Variants in KTN1 observed in about 807,000 individuals in gnomAD.
KTN1 encodes the protein kinectin.
KTN1 carries 130 observed loss-of-function variants against 222.5 expected under a neutral mutation model. That is an observed-to-expected ratio of 0.58 (90% CI 0.51 to 0.68). KTN1 has a LOEUF of 0.68. KTN1 is among the 30% of genes least tolerant of loss of function. KTN1 has a pLI of 0.00. For missense variants in KTN1, 1,508 were observed against 1,500.4 expected, an observed-to-expected ratio of 1.01 and a Z score of -0.08; for synonymous variants, 512 against 496.3, an observed-to-expected ratio of 1.03 and a Z score of -0.42.
At chr14:55,650,458 A>T in intron 23 of KTN1, 40 bp downstream of exon 23, 1 of 1,547,770 alleles carries the variant, frequency 6.5e-7, no homozygotes. Context: ...GTTTTTGTTT[A>T]TCAACTTTAG....
intron 1 of KTN1, among the ~76,000 whole-genome samples, chr14:55,600,367 T>A (rs1440163425): frequency 6.6e-6 from 1 of 152,146 alleles, no homozygotes; most frequent in Admixed American, 6.5e-5. Flanking sequence ...TTTCATTAAG[T>A]TTAAGCATCA....
At chr14:55,671,748 C>T (rs369480853) in intron 36 of KTN1, 37 bp from the exon 37 acceptor site, 40 of 1,550,754 alleles carry the variant, frequency 2.6e-5, no homozygotes, top group Non-Finnish European at 3.2e-5. Flanking sequence ...GGCATTAGAA[C>T]ATGAATTTTT....
chr14:55,676,876 G>C (rs1357515104), intron 41 of KTN1, among the ~76,000 whole-genome samples: 2 of 152,072 alleles, frequency 1.3e-5, no homozygotes, highest in African/African-American at 4.8e-5. Flanking sequence ...ATTTGGGTCT[G>C]TTTTAGAGGA....
At chr14:55,657,692 C>T (rs1344014584) in intron 29 of KTN1, among the ~76,000 whole-genome samples, 1 of 152,044 alleles carries the variant, frequency 6.6e-6, no homozygotes, top group Non-Finnish European at 1.5e-5. Flanking sequence ...AGGTGGATCT[C>T]TTGAGGTCAG....
At chr14:55,640,822 T>C in intron 15 of KTN1, 111 bp from the exon 16 acceptor site, 1 of 854,756 alleles carries the variant, frequency 1.2e-6, no homozygotes, top group Admixed American at 2.3e-5. Context: ...AGTATTGCTG[T>C]AACTTCAAAT....
Position 55,639,957 on chromosome 14 carries a change from T to C in KTN1, c.1868T>C (p.Leu623Ser). ...DKQIKQTEDS[L>S]ASERDRLTSK... is the part of the protein sequence containing the mutation. ...CAGATAAAACAGACTGAAGATTCTT[T>C]AGCAAGTGAACGTGATCGTTTAACA... The change falls in exon 14 of 44, where the codon TTA becomes TCA. Residue 623 changes from leucine to serine, a missense_variant. Transcript: ENST00000395314. The C allele has an allele frequency of 1.9e-6, 3 of 1,609,290 alleles. No individual in the cohort carries two copies. The highest frequency in any genetic ancestry group is 2.6e-6 in the Non-Finnish European group (3 of 1,176,210).
At chr14:55,677,844 A>C (rs1168294549) in intron 41 of KTN1, among the ~76,000 whole-genome samples, 1 of 152,130 alleles carries the variant, frequency 6.6e-6, no homozygotes, top group Admixed American at 6.6e-5. Context: ...GATTACAGGC[A>C]TGTGCCACCA....
In KTN1 at chr14:55,677,475, A is replaced by G. The variant is rs1460994486; in HGVS notation, c.3856-877A>G. Among the ~76,000 whole-genome samples, 97 of 87,668 alleles carry G rather than the reference A, an allele frequency of 1.1e-3. 1 individual carries two copies. Among genetic ancestry groups the G allele is most frequent in the African/African-American group, 2.0e-3 (61 of 31,086 alleles). 57.5% of individuals were successfully genotyped at this position (87,668 alleles called of 152,430 possible). A position where few individuals can be genotyped will look rare whatever the true frequency, so the allele number is the denominator to read the frequency against. On this transcript the variant is annotated intron_variant, in intron 41 of 43. Coordinates refer to ENST00000395314, the MANE Select transcript of KTN1 (RefSeq NM_001079521.2). ...CTGGGTGACAGAGAAAGACTGTCTA[A>G]AAAAAAAAAAAAAAAAAAAAGTTAA...
At chr14:55,628,093 A>G (rs2040074403) in intron 6 of KTN1, 65 bp downstream of exon 6, 1 of 980,500 alleles carries the variant, frequency 1.0e-6, no homozygotes, top group Non-Finnish European at 1.6e-6. Context: ...GATTTTAGAA[A>G]TTGTCCATAA....
intron 1 of KTN1, among the ~76,000 whole-genome samples, chr14:55,605,448 TAAG>T (rs1352916688): frequency 6.6e-6 from 1 of 152,118 alleles, no homozygotes; most frequent in Admixed American, 6.5e-5. Flanking sequence ...TTAAAAACCT[TAAG>T]GAGCCTGGCT....
Position 55,651,807 on chromosome 14 carries a change from T to G in KTN1, c.2566-83T>G. 9.4e-6 allele frequency: 8 copies of G among 850,958 alleles called. No homozygotes were observed. The South Asian group carries it at 9.5e-5, about 10-fold the overall frequency. The allele number at this position is 850,958 out of a possible 1,614,324, so 52.7% of individuals were successfully genotyped here. ...CAGCTAGTTTCTTTGTAATTTGAAG[T>G]GTACACATTATAAAGACTTATAAAG... On this transcript the variant is annotated intron_variant, in intron 24 of 43. Transcript: ENST00000395314.
At chr14:55,651,984 A>C (rs983195857) in intron 25 of KTN1, 57 bp downstream of exon 25, 5 of 1,083,886 alleles carry the variant, frequency 4.6e-6, no homozygotes, top group Non-Finnish European at 6.8e-6. Context: ...GTTAAATAGA[A>C]GTATAATGAA....
chr14:55,662,934 G>T (rs2044309648), intron 32 of KTN1: 2 of 456,014 alleles, frequency 4.4e-6, no homozygotes, highest in Non-Finnish European at 4.4e-6. Flanking sequence ...AGCAGCAGCA[G>T]CGCTGGAGAC....
rs370671041 is a variant in KTN1, at chr14:55,667,268, G to A, written c.3205G>A (p.Glu1069Lys). The change falls in exon 34 of 44, where the codon GAG (glutamate) becomes AAG (lysine). Residue 1069 changes from glutamate (E) to lysine (K), a missense_variant. Coordinates refer to ENST00000395314, the MANE Select transcript of KTN1 (RefSeq NM_001079521.2). ...KERQQQVEAV[E>K]LEAKEVLKKL... is the part of the protein sequence containing the mutation. ...AAGGCAGCAACAGGTGGAAGCTGTT[G>A]AGTTGGAGGCTAAAGAAGTTCTCAA... is the stretch of plus-strand genomic sequence containing the variant. 8.7e-5 allele frequency: 140 copies of A among 1,606,406 alleles called. No individual in the cohort carries two copies. The highest frequency in any genetic ancestry group is 1.1e-4 in the Non-Finnish European group (125 of 1,176,602).
At position 55,672,717 on chromosome 14, in the gene KTN1, GTTTTAC is replaced by G. The variant is rs2045555274; in HGVS notation, c.3603+19_3603+24del. 6.7e-7 allele frequency: 1 copy of G among 1,500,536 alleles called. No individual in the cohort carries two copies. Among genetic ancestry groups the G allele is most frequent in the African/African-American group, 1.4e-5 (1 of 72,580 alleles). 93.0% of individuals were successfully genotyped at this position (1,500,536 alleles called of 1,614,324 possible). ...TATTGAAAATGTATGTTATTTGATT[GTTTTAC>G]TTGTAACCTATGGATTTGTTTTTAG... On this transcript the variant is annotated intron_variant, in intron 38 of 43. Transcript: ENST00000395314.
intron 18 of KTN1, among the ~76,000 whole-genome samples, chr14:55,645,745 C>G (rs12432887): frequency 1.3e-5 from 2 of 151,822 alleles, no homozygotes; most frequent in Non-Finnish European, 2.9e-5. Context: ...TTCTTATGAA[C>G]TAGAAGCAGA....
In KTN1 at chr14:55,634,479, A is replaced by T. The variant is rs143803182; in HGVS notation, c.1329-47A>T. On this transcript the variant is annotated intron_variant, in intron 8 of 43. Coordinates refer to ENST00000395314, the MANE Select transcript of KTN1 (RefSeq NM_001079521.2). ...AAAGTATGTTTTGTTTATTTCTTATATATATTTGTAATAACGGAAGGCTCC... is the reference window on the plus strand; with the variant it reads ...AAAGTATGTTTTGTTTATTTCTTATTTATATTTGTAATAACGGAAGGCTCC... 39 of 1,517,642 alleles carry T rather than the reference A, an allele frequency of 2.6e-5. No individual in the cohort carries two copies. The African/African-American group carries it at 5.2e-4, about 20-fold the overall frequency. The allele number at this position is 1,517,642 out of a possible 1,614,324, so 94.0% of individuals were successfully genotyped here. A position where few individuals can be genotyped will look rare whatever the true frequency, so the allele number is the denominator to read the frequency against.
rs779679125 is a variant in KTN1, at chr14:55,675,898, G to C, written c.3835G>C (p.Val1279Leu). 2 of 1,612,944 alleles carry C rather than the reference G, an allele frequency of 1.2e-6. No homozygotes were observed. The highest frequency in any genetic ancestry group is 8.5e-7 in the Non-Finnish European group (1 of 1,179,148). ...AACTGAACAAAATGAAAGACAGAAG[G>C]TAGCTGGTGATTTGCATAAGGTAGG... is the stretch of plus-strand genomic sequence containing the variant. ...LRTEQNERQK[V>L]AGDLHKAQQS... The change falls in exon 41 of 44, where the codon GTA (valine) becomes CTA (leucine). Residue 1279 changes from valine (V) to leucine (L), a missense_variant. By Grantham distance (32) the Val-to-Leu change is conservative (BLOSUM62 1). Transcript: ENST00000395314.
In KTN1 at chr14:55,648,032, G is replaced by T; in HGVS notation, c.2215G>T (p.Glu739Ter). 1 of 1,467,500 alleles carries T rather than the reference G, an allele frequency of 6.8e-7. No homozygotes were observed. The highest frequency in any genetic ancestry group is 1.4e-5 in the South Asian group (1 of 71,008). 90.9% of individuals were successfully genotyped at this position (1,467,500 alleles called of 1,614,324 possible). A position where few individuals can be genotyped will look rare whatever the true frequency, so the allele number is the denominator to read the frequency against. Residue 739 changes from glutamate (E) to a stop codon, truncating the protein, a stop_gained, in exon 20 of 44, where the codon GAA (glutamate) becomes TAA (stop). Coordinates refer to ENST00000395314, the MANE Select transcript of KTN1 (RefSeq NM_001079521.2). LOFTEE classifies it high-confidence loss of function. ...VVEQMEKCIQ[E>*]KDEKLKTVEE... ...ACAAATTTATAATTTCAGCATTCAA[G>T]AAAAAGATGAGAAGTTAAAGACTGT...
Sources: allele counts gnomAD v4.1 joint callset (sites outside exome capture counted in the v4.1 genomes callset), GRCh38; gene constraint gnomAD v4.1.1; transcripts MANE v1.5; gene names NCBI Gene and HGNC (gene_info 2026-07-23, HGNC 2026-07-21).